The following ACOX3 variants were observed in gnomAD, a reference collection of about 807,000 sequenced individuals.
ACOX3 encodes the protein acyl-CoA oxidase 3, pristanoyl, also known as peroxisomal acyl-coenzyme A oxidase 3.
A neutral mutation model predicts 81.5 loss-of-function variants in ACOX3; 73 were observed. The ratio of observed to expected loss-of-function variants is 0.90; its 90% CI spans 0.74 to 1.09. The LOEUF is 1.09. Among genes scored for constraint, ACOX3 ranks in the 50% least tolerant of loss-of-function variants. ACOX3 has a pLI of 0.00. For missense variants in ACOX3, 947 were observed against 928.0 expected (o/e 1.02, Z -0.27); for synonymous variants, 387 against 375.1 (o/e 1.03, Z -0.37).
At position 8,385,003 on chromosome 4, in the gene ACOX3, G is replaced by A. The variant is rs774971687; in HGVS notation, c.1538-3396C>T. On this transcript the variant is annotated intron_variant, in intron 13 of 17. Transcript: ENST00000356406. The surrounding 1 kb of genome is among the most constrained non-coding windows in gnomAD (Gnocchi z 5.5). The stretch of plus-strand genomic sequence containing the variant: ...TCTGTTGTTTCCAAGGAAGTGTTCA[G>A]GACTGTGGCCCCCCACACGCAGCAG... Among the ~76,000 whole-genome samples the A allele has an allele frequency of 1.6e-4, 24 of 152,138 alleles. No individual in the cohort carries two copies. The highest frequency in any genetic ancestry group is 2.5e-4 in the Non-Finnish European group (17 of 68,016).
rs149125917 is a variant in ACOX3 at position 8,432,116 on chromosome 4, C to G, written c.-15+8532G>C. 0.011 allele frequency among the ~76,000 whole-genome samples: 1,628 copies of G among 152,338 alleles called. 33 individuals are homozygous for G. The highest frequency in any genetic ancestry group is 0.038 in the African/African-American group (1,570 of 41,574). On this transcript the variant is annotated intron_variant, in intron 1 of 17. Transcript: ENST00000356406. This position sits in a 1 kb window ranked among gnomAD's most constrained non-coding sequence, Gnocchi z 6.2. ...CACCTCACTTCCCCTAGTCACATCA[C>G]ATTAAGTGGTAGGCAGCTGAAAACG...
In ACOX3 at chr4:8,368,868, T is replaced by C. The variant is rs10029771; in HGVS notation, c.1984-1788A>G. Among the ~76,000 whole-genome samples, 10,312 of 151,874 alleles carry C rather than the reference T, an allele frequency of 0.068. 578 individuals carry two copies. Among genetic ancestry groups the C allele is most frequent in the African/African-American group, 0.15 (6,190 of 41,366 alleles). ...CCTCAGTTTTTGTAATTTTTATGGA[T>C]GGGGTTTCAGTATGTTGCCTAGGCT... On this transcript the variant is annotated intron_variant, in intron 17 of 17. Transcript: ENST00000356406. This position sits in a 1 kb window ranked among gnomAD's most constrained non-coding sequence, Gnocchi z 5.9.
At chr4:8,428,800 G>A (rs1723766358) in intron 1 of ACOX3, among the ~76,000 whole-genome samples, 2 of 152,206 alleles carry the variant, frequency 1.3e-5, no homozygotes, top group Admixed American at 6.5e-5. Context: ...GCAGGCTCTA[G>A]GTGGTGGCTC....
At chr4:8,408,895 GGGGGGGGGT>G (rs1721350682) in intron 6 of ACOX3, among the ~76,000 whole-genome samples, 19 of 55,936 alleles carry the variant, frequency 3.4e-4, no homozygotes, top group South Asian at 1.5e-3. Context: ...CCTCACTGGG[GGGGGGGGGT>G]GGGGGGGGGG....
chr4:8,394,720 A>C lies in ACOX3; in HGVS notation c.1079T>G (p.Leu360Arg). The change falls in exon 10 of 18, where the codon CTG becomes CGG. Residue 360 changes from leucine to arginine, a missense_variant. Transcript: ENST00000356406. The surrounding 1 kb of genome is among the most constrained non-coding windows in gnomAD (Gnocchi z 5.9). ...PMQQWRLLPY[L>R]AAVYALDHFS... ...ATGGTCTAAGGCGTAGACAGCTGCC[A>C]GATATGGAAGCAAGCGCCATTGCTA... The C allele has an allele frequency of 1.2e-6, 2 of 1,613,644 alleles. No homozygotes were observed. Among genetic ancestry groups the C allele is most frequent in the South Asian group, 1.1e-5 (1 of 91,066 alleles).
Position 8,399,453 on chromosome 4 carries a change from T to A in ACOX3, c.873+103A>T. On this transcript the variant is annotated intron_variant, in intron 8 of 17. Transcript: ENST00000356406. This position sits in a 1 kb window ranked among gnomAD's most constrained non-coding sequence, Gnocchi z 4.9. ...ATGCCCCAGCGACACCTGGCCTACG[T>A]GGAGGGGTCTCCTTTCCAGGTGCAG... 1 of 1,019,818 alleles carries A rather than the reference T, an allele frequency of 9.8e-7. No individual in the cohort carries two copies. Among genetic ancestry groups the A allele is most frequent in the Non-Finnish European group, 1.5e-6 (1 of 672,428 alleles). The allele number at this position is 1,019,818 out of a possible 1,614,324, so 63.2% of individuals were successfully genotyped here.
rs1477779103 is a variant in ACOX3, at chr4:8,437,469, GGGGCA to G, written c.-15+3174_-15+3178del. On this transcript the variant is annotated intron_variant, in intron 1 of 17. Coordinates refer to ENST00000356406, the MANE Select transcript of ACOX3 (RefSeq NM_003501.3). This position sits in a 1 kb window ranked among gnomAD's most constrained non-coding sequence, Gnocchi z 5.2. Reference sequence around the variant, plus strand: ...AAAATGGGAGAGACAGCAGTGCGCGGGGGCAGGGCCTGTGCCACTGCCTGGCCCCG... The same window carrying G: ...AAAATGGGAGAGACAGCAGTGCGCGGGGGCCTGTGCCACTGCCTGGCCCCG... Among the ~76,000 whole-genome samples, 4 of 152,318 alleles carry G rather than the reference GGGGCA, an allele frequency of 2.6e-5. No individual in the cohort carries two copies. In the East Asian group the frequency reaches 7.7e-4, roughly 29 times the overall value.
chr4:8,358,336 A>T, the ACOX3 span: 8 of 152,272 alleles, frequency 5.3e-5, no homozygotes, highest in East Asian at 1.5e-3. Context: ...CTTCATCAAC[A>T]TAACAAAAAC....
chr4:8,391,652 G>A (rs1212088930), intron 11 of ACOX3, among the ~76,000 whole-genome samples: 6 of 152,202 alleles, frequency 3.9e-5, no homozygotes, highest in East Asian at 1.9e-4. Context: ...CACTTCATAC[G>A]TGGTAATTCA....
chr4:8,373,724 T>C (rs1716565473), intron 15 of ACOX3, 96 bp from the exon 16 acceptor site: 2 of 1,167,774 alleles, frequency 1.7e-6, no homozygotes, highest in Non-Finnish European at 1.2e-6. Context: ...ATCGGCCATA[T>C]AGGAGGCCTG....
intron 1 of ACOX3, among the ~76,000 whole-genome samples, chr4:8,420,225 C>A (rs1489084504): frequency 6.6e-6 from 1 of 152,240 alleles, no homozygotes; most frequent in Non-Finnish European, 1.5e-5. Flanking sequence ...AAGTCACCAA[C>A]CTTACTGCAT....
chr4:8,428,393 CG>C lies in ACOX3; in HGVS notation c.-14-11859del, dbSNP rs1357592686. On this transcript the variant is annotated intron_variant, in intron 1 of 17. Coordinates refer to ENST00000356406, the MANE Select transcript of ACOX3 (RefSeq NM_003501.3). ...GATGCCTGTCGGCCCGCGACCGACT[CG>C]GAGTACTGGGACTAGCTGCCCGCAC... 6 of 152,918 alleles carry C rather than the reference CG, an allele frequency of 3.9e-5. No individual in the cohort carries two copies. In the East Asian group the frequency reaches 1.2e-3, roughly 29 times the overall value. 9.5% of individuals were successfully genotyped at this position (152,918 alleles called of 1,614,324 possible).
chr4:8,368,125 C>T lies in ACOX3; in HGVS notation c.1984-1045G>A, dbSNP rs563034785. Among the ~76,000 whole-genome samples, 3 of 152,248 alleles carry T rather than the reference C, an allele frequency of 2.0e-5. No individual in the cohort carries two copies. Among genetic ancestry groups the T allele is most frequent in the Non-Finnish European group, 2.9e-5 (2 of 68,048 alleles). Reference sequence around the variant, plus strand: ...TCTCACACCCCAGGCCGCTACAGGCCGCACAGGTGGCACGTGGCCACCAGC... The same window carrying T: ...TCTCACACCCCAGGCCGCTACAGGCTGCACAGGTGGCACGTGGCCACCAGC... On this transcript the variant is annotated intron_variant, in intron 17 of 17. Coordinates refer to ENST00000356406, the MANE Select transcript of ACOX3 (RefSeq NM_003501.3). The surrounding 1 kb of genome is among the most constrained non-coding windows in gnomAD (Gnocchi z 5.9).
At chr4:8,380,713 G>A (rs73085893) in intron 14 of ACOX3, among the ~76,000 whole-genome samples, 13,458 of 152,212 alleles carry the variant, frequency 0.088, 1,336 homozygotes, top group African/African-American at 0.25. Context: ...CTCATGAACC[G>A]ACGCTAGGGA....
intron 1 of ACOX3, among the ~76,000 whole-genome samples, chr4:8,421,235 C>A (rs1302923634): frequency 1.3e-5 from 2 of 152,194 alleles, no homozygotes. Flanking sequence ...ATACTGGGCA[C>A]CTGTTGGCTG....
intron 9 of ACOX3, among the ~76,000 whole-genome samples, chr4:8,395,713 G>A (rs1719619349): frequency 1.3e-5 from 2 of 151,744 alleles, no homozygotes; most frequent in Non-Finnish European, 2.9e-5. Context: ...TCTCTTGACC[G>A]CCGAGCTGCC....
rs1456985194 is a variant in ACOX3, at chr4:8,368,208, C to T, written c.1984-1128G>A. Among the ~76,000 whole-genome samples, 1 of 152,230 alleles carries T rather than the reference C, an allele frequency of 6.6e-6. No individual in the cohort carries two copies. Among genetic ancestry groups the T allele is most frequent in the African/African-American group, 2.4e-5 (1 of 41,456 alleles). The stretch of plus-strand genomic sequence containing the variant: ...GCTGATTTCTGGACCTGGGCCACCA[C>T]ACCCTGCTCCTCTGGTCCTGCCCCG... On this transcript the variant is annotated intron_variant, in intron 17 of 17. Transcript: ENST00000356406. The surrounding 1 kb of genome is among the most constrained non-coding windows in gnomAD (Gnocchi z 5.9).
intron 14 of ACOX3, among the ~76,000 whole-genome samples, chr4:8,380,041 G>C (rs1717440117): frequency 6.6e-6 from 1 of 152,190 alleles, no homozygotes; most frequent in Admixed American, 6.5e-5. Flanking sequence ...CCAACCTGCT[G>C]TGTATCACCC....
At chr4:8,361,587 T>C (rs1319894816), downstream of ACOX3, among the ~76,000 whole-genome samples, 4 of 152,156 alleles carry the variant, frequency 2.6e-5, no homozygotes, top group Admixed American at 6.5e-5. Flanking sequence ...ATTCAGTTTT[T>C]CTGTAAACTG....
Sources: gnomAD v4.1 joint callset for allele counts (sites outside exome capture counted in the v4.1 genomes callset) on GRCh38, gnomAD v4.1.1 for gene constraint, Gnocchi (gnomAD v3.1) non-coding constraint, MANE v1.5 for transcripts, NCBI Gene and HGNC (gene_info 2026-07-23, HGNC 2026-07-21) for gene names.